The following ASMT variants were observed in gnomAD, a reference collection of about 807,000 sequenced individuals.
The protein encoded by ASMT is acetylserotonin N-methyltransferase.
ASMT carries 53 observed loss-of-function variants against 41.3 expected under a neutral mutation model. The ratio of observed to expected loss-of-function variants is 1.28; its 90% confidence interval spans 1.03 to 1.61. The LOEUF (loss-of-function observed/expected upper bound fraction) is 1.61. Among genes scored for constraint, ASMT ranks in the 40% most tolerant of loss-of-function variants. The pLI, the probability that ASMT is intolerant of heterozygous loss-of-function variation, is 0.00. For missense variants in ASMT, 531 were observed against 441.3 expected (o/e 1.20, Z -1.82); for synonymous variants, 231 against 184.8 (o/e 1.25, Z -2.03).
At chrX:1,616,339 G>C (rs1355778056) in intron 1 of ASMT, among the ~76,000 whole-genome samples, 12 of 151,426 alleles carry the variant, frequency 7.9e-5, no homozygotes, top group Admixed American at 7.9e-4. Flanking sequence ...AGTGAAGGAA[G>C]GCTGACGTGA....
At chrX:1,636,397 G>C (rs765997207) in intron 7 of ASMT, 41 bp from the exon 8 acceptor site, 6 of 1,613,922 alleles carry the variant, frequency 3.7e-6, no homozygotes, top group South Asian at 1.1e-5. Flanking sequence ...AAATGGGATT[G>C]GATTGCAGGC....
intron 1 of ASMT, among the ~76,000 whole-genome samples, chrX:1,619,968 CTG>C (rs1298753301): frequency 6.6e-6 from 1 of 151,006 alleles, no homozygotes; most frequent in African/African-American, 2.4e-5. Context: ...TGGTGGGCGC[CTG>C]TAGTTTCAGC....
chrX:1,642,563 G>A (rs1428855779), intron 8 of ASMT, among the ~76,000 whole-genome samples: 4 of 151,324 alleles, frequency 2.6e-5, no homozygotes, highest in Admixed American at 2.0e-4. Flanking sequence ...CATCCATCCT[G>A]ATGGTTCATG....
intron 7 of ASMT, among the ~76,000 whole-genome samples, chrX:1,634,341 C>T (rs766329503): frequency 4.6e-4 from 70 of 152,294 alleles, no homozygotes; most frequent in African/African-American, 1.7e-3. Context: ...GGTTTGACAA[C>T]ACACACCACT....
chrX:1,635,141 A>AT (rs762432316), intron 7 of ASMT, among the ~76,000 whole-genome samples: 32,147 of 134,158 alleles, frequency 0.24, 3,870 homozygotes, highest in Middle Eastern at 0.26. Context: ...CGCCCAGCTA[A>AT]TTTTTTTTTT....
At chrX:1,615,307 C>T (rs377195123) in intron 1 of ASMT, 39 bp downstream of exon 1, 62 of 1,518,742 alleles carry the variant, frequency 4.1e-5, no homozygotes, top group African/African-American at 3.4e-4. Context: ...AATAGACTTC[C>T]GTTCATCACA....
chrX:1,624,141 C>A, intron 2 of ASMT, 128 bp from the exon 3 acceptor site: 1 of 1,273,556 alleles, frequency 7.9e-7, no homozygotes, highest in Non-Finnish European at 1.1e-6. Flanking sequence ...AAGAGGAAGA[C>A]CCCATCTCTA....
At chrX:1,627,973 C>T (rs1355895964) in intron 4 of ASMT, 16 of 640,820 alleles carry the variant, frequency 2.5e-5, no homozygotes, top group African/African-American at 1.8e-4. Flanking sequence ...TGAGGAGGTG[C>T]AACGTGACCC....
intron 1 of ASMT, among the ~76,000 whole-genome samples, chrX:1,619,223 A>G (rs1363923121): frequency 2.0e-5 from 3 of 151,750 alleles, no homozygotes; most frequent in East Asian, 1.9e-4. Flanking sequence ...GTGAAATCCC[A>G]TCTCTACTAA....
chrX:1,619,094 A>G (rs764222759), intron 1 of ASMT, among the ~76,000 whole-genome samples: 1 of 152,072 alleles, frequency 6.6e-6, no homozygotes, highest in African/African-American at 2.4e-5. Context: ...CCTTAAGAAG[A>G]TAACATTTAG....
chrX:1,625,987 G>T (rs1485480480), intron 3 of ASMT, among the ~76,000 whole-genome samples: 1 of 150,770 alleles, frequency 6.6e-6, no homozygotes, highest in African/African-American at 2.4e-5. Context: ...GGGTGTCTGG[G>T]TTAACATAGG....
intron 1 of ASMT, among the ~76,000 whole-genome samples, chrX:1,618,897 G>T (rs1934234331): frequency 6.6e-6 from 1 of 152,164 alleles, no homozygotes; most frequent in Admixed American, 6.6e-5. Context: ...GAGGTGGTCT[G>T]GTGGGTTCTA....
At chrX:1,620,875 G>T (rs1261417445) in intron 1 of ASMT, among the ~76,000 whole-genome samples, 1 of 151,296 alleles carries the variant, frequency 6.6e-6, no homozygotes, top group South Asian at 2.1e-4. Context: ...GCGACAGAGC[G>T]AGACTCTGTC....
chrX:1,619,258 G>A (rs1389549174), intron 1 of ASMT, among the ~76,000 whole-genome samples: 4 of 151,842 alleles, frequency 2.6e-5, no homozygotes, highest in African/African-American at 9.7e-5. Flanking sequence ...CCTGGGCGTG[G>A]TGGCGGGCAC....
Position 1,625,826 on chromosome X carries a change from C to T in ASMT, c.374+1428C>T, listed in dbSNP as rs770637497. Among the ~76,000 whole-genome samples the T allele has an allele frequency of 4.0e-5, 6 of 151,368 alleles. No homozygotes were observed. In the South Asian group the frequency reaches 1.1e-3, roughly 27 times the overall value. On this transcript the variant is annotated intron_variant, in intron 3 of 8. Coordinates refer to ENST00000381241, the MANE Select transcript of ASMT (RefSeq NM_001171038.2). ...AAAATTAGCCGGGCGTGGTGGCGGG[C>T]GCCTGTAGTCCCAGCTACTCGGAGA...
chrX:1,622,346 A>G (rs2092705648), intron 1 of ASMT, among the ~76,000 whole-genome samples: 1 of 147,624 alleles, frequency 6.8e-6, no homozygotes, highest in South Asian at 2.1e-4. Flanking sequence ...CTTGGAGTGC[A>G]GTGGTGAGAT....
intron 8 of ASMT, among the ~76,000 whole-genome samples, chrX:1,642,033 C>A (rs1228007640): frequency 2.8e-5 from 4 of 144,346 alleles, no homozygotes; most frequent in African/African-American, 1.0e-4. Flanking sequence ...GGGATAGCAT[C>A]CCAGTGTCCT....
At position 1,633,340 on chromosome X, in the gene ASMT, G is replaced by A. The variant is rs764731628; in HGVS notation, c.787+50G>A. On this transcript the variant is annotated intron_variant, in intron 7 of 8. Coordinates refer to ENST00000381241, the MANE Select transcript of ASMT (RefSeq NM_001171038.2). ...AGAGATGTGTCTCACGGCTTCTCCA[G>A]GGGGACTGGATGTTTCTGGGAAATG... is the stretch of plus-strand genomic sequence containing the variant. 26 of 1,611,642 alleles carry A rather than the reference G, an allele frequency of 1.6e-5. No homozygotes were observed. In the East Asian group the frequency reaches 5.8e-4, roughly 36 times the overall value.
At chrX:1,636,634 C>T in intron 8 of ASMT, 74 bp downstream of exon 8, 2 of 1,610,666 alleles carry the variant, frequency 1.2e-6, no homozygotes, top group South Asian at 2.2e-5. Context: ...ATTTAGAAGG[C>T]AGGCACTGAA....
Sources: gnomAD v4.1 joint callset for allele counts (sites outside exome capture counted in the v4.1 genomes callset) on GRCh38, gnomAD v4.1.1 for gene constraint, MANE v1.5 for transcripts, NCBI Gene and HGNC (gene_info 2026-07-23, HGNC 2026-07-21) for gene names.